The following CHRNA7 variants were observed in gnomAD, a reference collection of about 807,000 sequenced individuals.
CHRNA7 encodes neuronal acetylcholine receptor subunit alpha-7.
CHRNA7 carries 17 observed loss-of-function variants against 48.0 expected under a neutral mutation model. The observed-to-expected ratio is 0.35, with a 90% CI of 0.24 to 0.53. CHRNA7 has a LOEUF of 0.53. Among genes scored for constraint, CHRNA7 ranks in the 20% least tolerant of loss-of-function variants. The pLI, the probability that CHRNA7 is intolerant of heterozygous loss-of-function variation, is 0.92. For synonymous variants in CHRNA7, 75 were observed against 242.3 expected, an observed-to-expected ratio of 0.31 and a Z score of 6.41; for missense variants, 155 against 577.7, an observed-to-expected ratio of 0.27 and a Z score of 7.50.
chr15:32,122,151 G>A (rs547341290), intron 4 of CHRNA7, among the ~76,000 whole-genome samples: 50 of 152,312 alleles, frequency 3.3e-4, no homozygotes, highest in Admixed American at 1.1e-3. Flanking sequence ...GTGACAAGTA[G>A]CACATGGCAA....
chr15:32,047,103 G>C lies in CHRNA7; in HGVS notation c.195+16066G>C, dbSNP rs1041702848. Reference sequence around the variant, plus strand: ...AGTATATAGTTTGAAGTCAGGTAGCGTGATGCCTCCAGCTTTGTTCTTTTG... The same window carrying C: ...AGTATATAGTTTGAAGTCAGGTAGCCTGATGCCTCCAGCTTTGTTCTTTTG... On this transcript the variant is annotated intron_variant, in intron 2 of 9. Transcript: ENST00000306901. Among the ~76,000 whole-genome samples, 3 of 145,270 alleles carry C rather than the reference G, an allele frequency of 2.1e-5. No individual in the cohort carries two copies. The Admixed American group carries it at 2.1e-4, about 10-fold the overall frequency.
chr15:32,061,149 T>C (rs1018981613), intron 2 of CHRNA7, among the ~76,000 whole-genome samples: 1 of 152,174 alleles, frequency 6.6e-6, no homozygotes, highest in Non-Finnish European at 1.5e-5. Context: ...AGATTCATGG[T>C]GCTTGTAGGA....
chr15:32,125,276 C>T (rs1345630670), intron 4 of CHRNA7, among the ~76,000 whole-genome samples: 2 of 152,180 alleles, frequency 1.3e-5, no homozygotes, highest in Middle Eastern at 3.2e-3. Flanking sequence ...ATGATGATAA[C>T]CATAAAATAC....
chr15:32,145,669 G>A (rs771289144), intron 4 of CHRNA7, among the ~76,000 whole-genome samples: 5 of 151,964 alleles, frequency 3.3e-5, no homozygotes, highest in Non-Finnish European at 7.4e-5. Flanking sequence ...CTCACAGATC[G>A]ATCACAGACT....
intron 3 of CHRNA7, among the ~76,000 whole-genome samples, chr15:32,106,781 C>T (rs951132077): frequency 6.6e-6 from 1 of 152,210 alleles, no homozygotes; most frequent in African/African-American, 2.4e-5. Flanking sequence ...CTTCCTGGGT[C>T]CTTCTCTAAC....
Position 32,088,468 on chromosome 15 carries a change from G to A in CHRNA7, c.196-12835G>A, listed in dbSNP as rs144342981. Among the ~76,000 whole-genome samples, 282 of 152,252 alleles carry A rather than the reference G, an allele frequency of 1.9e-3. 1 individual carries two copies. Among genetic ancestry groups the A allele is most frequent in the African/African-American group, 6.3e-3 (261 of 41,542 alleles). The stretch of plus-strand genomic sequence containing the variant: ...TATCTAGGAATATAGTTGTTGTATC[G>A]TATGGTAACACTAGGTTTAGTTTTG... On this transcript the variant is annotated intron_variant, in intron 2 of 9. Transcript: ENST00000306901.
chr15:32,090,307 C>T (rs1404948582), intron 2 of CHRNA7, among the ~76,000 whole-genome samples: 1 of 152,036 alleles, frequency 6.6e-6, no homozygotes. Context: ...ATTACTTCTC[C>T]CCTTCTCTTG....
chr15:32,083,569 G>C (rs2050249453), intron 2 of CHRNA7, among the ~76,000 whole-genome samples: 1 of 152,156 alleles, frequency 6.6e-6, no homozygotes, highest in Non-Finnish European at 1.5e-5. Flanking sequence ...ACATGTGAAG[G>C]GATGAGATAA....
intron 4 of CHRNA7, among the ~76,000 whole-genome samples, chr15:32,113,259 C>G (rs904975149): frequency 6.6e-6 from 1 of 152,214 alleles, no homozygotes; most frequent in Admixed American, 6.5e-5. Flanking sequence ...CTTCGCTTGT[C>G]TCTGTCCGTG....
chr15:32,113,865 GACA>G (rs34613281), intron 4 of CHRNA7, among the ~76,000 whole-genome samples: 1 of 149,528 alleles, frequency 6.7e-6, no homozygotes, highest in Non-Finnish European at 1.5e-5. Flanking sequence ...CAACAATAAC[GACA>G]ACAACAACAA....
At chr15:32,054,462 AAATT>A (rs2049749715) in intron 2 of CHRNA7, among the ~76,000 whole-genome samples, 2 of 152,202 alleles carry the variant, frequency 1.3e-5, no homozygotes, top group Non-Finnish European at 2.9e-5. Flanking sequence ...CTAAAACTTT[AAATT>A]GTAGTAGAGT....
chr15:32,139,564 T>C (rs1019059877), intron 4 of CHRNA7, among the ~76,000 whole-genome samples: 2 of 149,320 alleles, frequency 1.3e-5, no homozygotes, highest in Non-Finnish European at 3.0e-5. Context: ...TTCTAATAGA[T>C]GCGTAGTGGT....
intron 3 of CHRNA7, among the ~76,000 whole-genome samples, chr15:32,110,937 G>A (rs947079055): frequency 1.3e-5 from 2 of 152,102 alleles, no homozygotes; most frequent in African/African-American, 4.8e-5. Context: ...ACAGAATACA[G>A]GATAATGGTG....
chr15:32,131,222 T>C (rs1375973543), intron 4 of CHRNA7, among the ~76,000 whole-genome samples: 1 of 152,204 alleles, frequency 6.6e-6, no homozygotes, highest in African/African-American at 2.4e-5. Flanking sequence ...TGTATATCTT[T>C]TGCTAAATTT....
At chr15:32,039,193 T>C (rs1198024213) in intron 2 of CHRNA7, among the ~76,000 whole-genome samples, 1 of 152,184 alleles carries the variant, frequency 6.6e-6, no homozygotes, top group African/African-American at 2.4e-5. Context: ...ATTTTATTGA[T>C]CATTTTTCAA....
At chr15:32,096,909 A>G (rs1368617250) in intron 2 of CHRNA7, among the ~76,000 whole-genome samples, 1 of 152,192 alleles carries the variant, frequency 6.6e-6, no homozygotes, top group African/African-American at 2.4e-5. Context: ...GTGCCTTGCC[A>G]CACCGGCCTT....
Position 32,105,834 on chromosome 15 carries a change from C to G in CHRNA7, c.240+4487C>G, listed in dbSNP as rs76286659. ...CTGGAAAGCGGCACCTGTAGATGAT[C>G]TAGCAGTTGTAACACTGTCTCCCAA... On this transcript the variant is annotated intron_variant, in intron 3 of 9. Transcript: ENST00000306901. 4.1e-3 allele frequency among the ~76,000 whole-genome samples: 625 copies of G among 152,338 alleles called. 2 individuals carry two copies. The highest frequency in any genetic ancestry group is 6.4e-3 in the Non-Finnish European group (434 of 68,030).
chr15:32,100,905 A>G (rs2050560020), intron 2 of CHRNA7: 2 of 198,496 alleles, frequency 1.0e-5, no homozygotes, highest in Admixed American at 6.3e-5. Context: ...GTTTAAAAGC[A>G]TATATATTTT....
At chr15:32,123,454 A>G (rs1296700041) in intron 4 of CHRNA7, among the ~76,000 whole-genome samples, 1 of 152,222 alleles carries the variant, frequency 6.6e-6, no homozygotes, top group Non-Finnish European at 1.5e-5. Context: ...GAAACAGTGT[A>G]AGTATGAGGT....
Sources: allele counts gnomAD v4.1 joint callset (sites outside exome capture counted in the v4.1 genomes callset), GRCh38; gene constraint gnomAD v4.1.1; transcripts MANE v1.5; gene names NCBI Gene and HGNC (gene_info 2026-07-23, HGNC 2026-07-21).